Variants in TPH2 observed in about 807,000 individuals in gnomAD.
TPH2 encodes tryptophan 5-hydroxylase 2.
TPH2 carries 27 observed loss-of-function variants against 59.1 expected under a neutral mutation model. The observed-to-expected ratio is 0.46, with a 90% confidence interval of 0.34 to 0.63. The LOEUF (loss-of-function observed/expected upper bound fraction) is 0.63. TPH2 is among the 30% of genes least tolerant of loss of function. The probability of loss-of-function intolerance (pLI) is 0.01; values close to 1 mark genes in which losing one functional copy is unlikely to be tolerated. For synonymous variants in TPH2, 220 were observed against 210.5 expected (o/e 1.05, Z -0.39); for missense variants, 523 against 588.3 (o/e 0.89, Z 1.15).
intron 4 of TPH2, among the ~76,000 whole-genome samples, chr12:71,947,434 C>G (rs1312430732): frequency 6.6e-6 from 1 of 150,760 alleles, no homozygotes; most frequent in Non-Finnish European, 1.5e-5. Context: ...TGGGTACTCT[C>G]TGGCTGCTAG....
chr12:72,013,105 T>A (rs1873144152), intron 8 of TPH2, among the ~76,000 whole-genome samples: 1 of 152,240 alleles, frequency 6.6e-6, no homozygotes, highest in Non-Finnish European at 1.5e-5. Flanking sequence ...ACACTTTTTT[T>A]TTCTTCCACG....
Position 71,964,491 on chromosome 12 carries a change from A to AAC in TPH2, c.609-8027_609-8026insCA, listed in dbSNP as rs897523151. The AAC allele has an allele frequency of 3.1e-6, 3 of 958,756 alleles. No homozygotes were observed. In the African/African-American group the frequency reaches 5.3e-5, roughly 17 times the overall value. 59.4% of individuals were successfully genotyped at this position (958,756 alleles called of 1,614,324 possible). Reference sequence around the variant, plus strand: ...ATTTTTGTATTTTTAGTTGATGCAGAATATATATATATATTCTGGCAATAT... The same window carrying AAC: ...ATTTTTGTATTTTTAGTTGATGCAGAACATATATATATATATTCTGGCAATAT... On this transcript the variant is annotated intron_variant, in intron 5 of 10. Coordinates refer to ENST00000333850, the MANE Select transcript of TPH2 (RefSeq NM_173353.4).
chr12:71,979,035 C>A lies in TPH2; in HGVS notation c.889C>A (p.His297Asn), dbSNP rs1258663676. The A allele has an allele frequency of 6.2e-7, 1 of 1,614,022 alleles. No homozygotes were observed. The highest frequency in any genetic ancestry group is 8.5e-7 in the Non-Finnish European group (1 of 1,180,036). Residue 297 changes from histidine to asparagine, a missense_variant, in exon 7 of 11, where the codon CAC (histidine) becomes AAC (asparagine). Transcript: ENST00000333850. The stretch of plus-strand genomic sequence containing the variant: ...GGCAGGACTGGCCTACAGAGTGTTC[C>A]ACTGTACCCAGTACATCCGGCATGG... ...FLAGLAYRVFHCTQYIRHGSD... is the reference protein window; with the variant it reads ...FLAGLAYRVFNCTQYIRHGSD...
chr12:71,961,033 G>T (rs893020329), intron 5 of TPH2, among the ~76,000 whole-genome samples: 3 of 152,180 alleles, frequency 2.0e-5, no homozygotes, highest in African/African-American at 4.8e-5. Context: ...TGATCCTCAC[G>T]ATGTGAGAAG....
intron 8 of TPH2, among the ~76,000 whole-genome samples, chr12:72,012,990 A>G (rs918987183): frequency 6.6e-6 from 1 of 152,216 alleles, no homozygotes; most frequent in Admixed American, 6.5e-5. Context: ...CCCAAAAGAT[A>G]TAGGAAACAA....
At chr12:71,958,248 T>C (rs1479851925) in intron 5 of TPH2, among the ~76,000 whole-genome samples, 1 of 152,216 alleles carries the variant, frequency 6.6e-6, no homozygotes, top group Non-Finnish European at 1.5e-5. Context: ...ATGGCCAGAA[T>C]AGTTTCTGAG....
rs1385435464 is a variant in TPH2 at position 72,031,254 on chromosome 12, G to A, written c.1165-4G>A. On this transcript the variant is annotated splice_polypyrimidine_tract_variant and splice_region_variant and intron_variant, in intron 9 of 10. Transcript: ENST00000333850. ...TTTAACAGGTTTTGTGGTATATTTT[G>A]CAGCACGCCCTTTCTGACAAGGCAT... 5 of 1,613,184 alleles carry A rather than the reference G, an allele frequency of 3.1e-6. No homozygotes were observed. Among genetic ancestry groups the A allele is most frequent in the Non-Finnish European group, 4.2e-6 (5 of 1,179,410 alleles).
rs1873727090 is a variant in TPH2 at position 72,031,662 on chromosome 12, T to C, written c.1440T>C (p.Ala480=). The C allele has an allele frequency of 6.2e-7, 1 of 1,613,474 alleles. No homozygotes were observed. Among genetic ancestry groups the C allele is most frequent in the South Asian group, 1.1e-5 (1 of 91,082 alleles). The change falls in exon 11 of 11, where the codon GCT becomes GCC. Residue 480 remains alanine, a synonymous_variant. Transcript: ENST00000333850. ...LRSDLNTVCD[A]LNKMNQYLGI is the part of the protein sequence containing the mutation. ...GCGACTTGAATACAGTGTGTGATGC[T>C]TTAAACAAAATGAACCAATATCTGG...
At chr12:71,978,917 T>A in intron 6 of TPH2, 35 bp from the exon 7 acceptor site, 1 of 1,614,086 alleles carries the variant, frequency 6.2e-7, no homozygotes, top group South Asian at 1.1e-5. Context: ...CTTGCTGGGT[T>A]AATATTTAGT....
In TPH2 at chr12:72,031,296, C is replaced by A; in HGVS notation, c.1203C>A (p.Asp401Glu). The change falls in exon 10 of 11, where the codon GAC becomes GAA. Residue 401 changes from aspartate (D) to glutamate (E), a missense_variant. Coordinates refer to ENST00000333850, the MANE Select transcript of TPH2 (RefSeq NM_173353.4). ...ACAAGGCATGTGTGAAAGCCTTTGA[C>A]CCAAAGACAACTTGCTTACAGGAAT... ...LSDKACVKAF[D>E]PKTTCLQECL... is the part of the protein sequence containing the mutation. The A allele has an allele frequency of 2.5e-6, 4 of 1,613,652 alleles. No individual in the cohort carries two copies. Among genetic ancestry groups the A allele is most frequent in the Non-Finnish European group, 3.4e-6 (4 of 1,179,636 alleles).
intron 9 of TPH2, among the ~76,000 whole-genome samples, chr12:72,029,308 A>G (rs552684459): frequency 1.1e-4 from 16 of 152,314 alleles, no homozygotes; most frequent in African/African-American, 3.6e-4. Flanking sequence ...TGCAGGGATG[A>G]GAGAGTAGGA....
At chr12:72,000,312 G>A (rs1872790341) in intron 8 of TPH2, among the ~76,000 whole-genome samples, 1 of 152,214 alleles carries the variant, frequency 6.6e-6, no homozygotes, top group African/African-American at 2.4e-5. Context: ...CAATTTGTCA[G>A]TCTTCACAAA....
chr12:71,960,187 T>G (rs990649381), intron 5 of TPH2, among the ~76,000 whole-genome samples: 2 of 152,294 alleles, frequency 1.3e-5, no homozygotes, highest in Admixed American at 1.3e-4. Context: ...CCCAGATGAA[T>G]AGGATAGTTT....
intron 5 of TPH2, among the ~76,000 whole-genome samples, chr12:71,968,964 T>A (rs1434315380): frequency 6.6e-6 from 1 of 152,118 alleles, no homozygotes; most frequent in Non-Finnish European, 1.5e-5. Flanking sequence ...GTTATATATA[T>A]ACATTACAAC....
Position 72,031,390 on chromosome 12 carries a change from A to T in TPH2, c.1297A>T (p.Arg433Trp). 6.2e-7 allele frequency: 1 copy of T among 1,613,644 alleles called. No individual in the cohort carries two copies. The change falls in exon 10 of 11, where the codon AGG becomes TGG. Residue 433 changes from arginine to tryptophan, a missense_variant and splice_region_variant. Coordinates refer to ENST00000333850, the MANE Select transcript of TPH2 (RefSeq NM_173353.4). ...ESFEEAKEKM[R>W]DFAKSITRPF... is the part of the protein sequence containing the mutation. ...TTTTGAAGAAGCCAAAGAAAAGATG[A>T]GGTAAACTTTTTTTTCCTCCTAGCT... is the stretch of plus-strand genomic sequence containing the variant.
chr12:71,985,649 G>A (rs1872411634), intron 7 of TPH2, among the ~76,000 whole-genome samples: 2 of 152,058 alleles, frequency 1.3e-5, no homozygotes, highest in African/African-American at 2.4e-5. Flanking sequence ...CAGCCACCTC[G>A]GCCTCCCAAA....
At chr12:71,981,566 T>C (rs549389210) in intron 7 of TPH2, among the ~76,000 whole-genome samples, 1 of 152,044 alleles carries the variant, frequency 6.6e-6, no homozygotes, top group African/African-American at 2.4e-5. Flanking sequence ...CTTAACACCA[T>C]AGAGATGGAA....
In TPH2 at chr12:72,031,989, A is replaced by C; in HGVS notation, c.*294A>C. On this transcript the variant is annotated 3_prime_UTR_variant, in exon 11 of 11. Transcript: ENST00000333850. Reference sequence around the variant, plus strand: ...ACTGCATCTAGTTAAAATTTGTAACAAATAGCCCTCTTATGAGTCTCATTT... The same window carrying C: ...ACTGCATCTAGTTAAAATTTGTAACCAATAGCCCTCTTATGAGTCTCATTT... The C allele has an allele frequency of 2.4e-6, 1 of 414,754 alleles. No individual in the cohort carries two copies. The highest frequency in any genetic ancestry group is 4.5e-6 in the Non-Finnish European group (1 of 221,852). 25.7% of individuals were successfully genotyped at this position (414,754 alleles called of 1,614,324 possible). A position where few individuals can be genotyped will look rare whatever the true frequency, so the allele number is the denominator to read the frequency against.
At chr12:71,965,083 CAGCT>C (rs1871781054) in intron 5 of TPH2, 1 of 152,166 alleles carries the variant, frequency 6.6e-6, no homozygotes, top group Non-Finnish European at 1.5e-5. Context: ...TAATAGCCTC[CAGCT>C]CCATCCATGT....
Sources: allele counts gnomAD v4.1 joint callset (sites outside exome capture counted in the v4.1 genomes callset), GRCh38; gene constraint gnomAD v4.1.1; transcripts MANE v1.5; gene names NCBI Gene and HGNC (gene_info 2026-07-23, HGNC 2026-07-21).